TSHZ2: variants seen among roughly 807,000 people sequenced by gnomAD.
The protein encoded by TSHZ2 is teashirt zinc finger homeobox 2.
A neutral mutation model predicts 74.4 loss-of-function variants in TSHZ2; 21 were observed. The ratio of observed to expected loss-of-function variants is 0.28; its 90% confidence interval spans 0.20 to 0.41. TSHZ2 has a LOEUF of 0.41. Among genes scored for constraint, TSHZ2 ranks in the 10% least tolerant of loss-of-function variants. The pLI, the probability that TSHZ2 is intolerant of heterozygous loss-of-function variation, is 1.00. For synonymous variants in TSHZ2, 540 were observed against 515.3 expected (o/e 1.05, Z -0.65); for missense variants, 1,244 against 1,293.5 (o/e 0.96, Z 0.59).
rs191353942 is a variant in TSHZ2, at chr20:53,355,399, A to T, written c.*8+98828A>T. Among the ~76,000 whole-genome samples, 29 of 152,346 alleles carry T rather than the reference A, an allele frequency of 1.9e-4. No homozygotes were observed. In the East Asian group the frequency reaches 5.6e-3, roughly 29 times the overall value. ...TGAGTGGACAAATAAAATATGATGT[A>T]TTCATACCATGGAATGCTAAAGAGC... On this transcript the variant is annotated intron_variant, in intron 2 of 2. Coordinates refer to ENST00000371497, the MANE Select transcript of TSHZ2 (RefSeq NM_173485.6).
At chr20:53,403,151 G>A (rs1410573463) in intron 2 of TSHZ2, among the ~76,000 whole-genome samples, 1 of 152,152 alleles carries the variant, frequency 6.6e-6, no homozygotes, top group Non-Finnish European at 1.5e-5. Context: ...AGAACATGTA[G>A]GATTTGGTTT....
At chr20:53,264,610 C>A (rs1990671011) in intron 2 of TSHZ2, among the ~76,000 whole-genome samples, 1 of 152,224 alleles carries the variant, frequency 6.6e-6, no homozygotes, top group Admixed American at 6.5e-5. Context: ...GTTTTACCAA[C>A]TTTAGCCCAA....
At chr20:53,479,998 G>A in intron 2 of TSHZ2, among the ~76,000 whole-genome samples, 1 of 152,078 alleles carries the variant, frequency 6.6e-6, no homozygotes, top group Non-Finnish European at 1.5e-5. Flanking sequence ...AATACTTTGG[G>A]AGGACGAGGC....
intron 1 of TSHZ2, among the ~76,000 whole-genome samples, chr20:53,072,640 T>C (rs939746074): frequency 3.3e-5 from 5 of 152,204 alleles, no homozygotes; most frequent in African/African-American, 1.2e-4. Context: ...TGATTAAAAA[T>C]AACTGATTTG....
At chr20:53,093,699 C>T (rs1325360050) in intron 1 of TSHZ2, among the ~76,000 whole-genome samples, 1 of 152,172 alleles carries the variant, frequency 6.6e-6, no homozygotes, top group Non-Finnish European at 1.5e-5. Flanking sequence ...TCTCATAACT[C>T]TCAGCAAAAT....
At chr20:53,159,167 A>C (rs1987867128) in intron 1 of TSHZ2, among the ~76,000 whole-genome samples, 1 of 152,152 alleles carries the variant, frequency 6.6e-6, no homozygotes, top group Non-Finnish European at 1.5e-5. Flanking sequence ...TCCCAGAGAG[A>C]TCAATTGATG....
chr20:53,229,138 C>A (rs1041399372), intron 1 of TSHZ2, among the ~76,000 whole-genome samples: 2 of 152,162 alleles, frequency 1.3e-5, no homozygotes, highest in African/African-American at 4.8e-5. Context: ...TGACCCTGAG[C>A]TGGATGGCAT....
chr20:53,171,912 C>G (rs1988212886), intron 1 of TSHZ2, among the ~76,000 whole-genome samples: 1 of 151,940 alleles, frequency 6.6e-6, no homozygotes, highest in Non-Finnish European at 1.5e-5. Context: ...ATTGCAACCT[C>G]TAAAGAAGAA....
chr20:53,013,404 A>G (rs1474391933), intron 1 of TSHZ2, among the ~76,000 whole-genome samples: 1 of 152,156 alleles, frequency 6.6e-6, no homozygotes, highest in East Asian at 1.9e-4. Flanking sequence ...GAGGAAATAC[A>G]TAGAGACAAG....
At chr20:53,194,894 C>T (rs1188571958) in intron 1 of TSHZ2, among the ~76,000 whole-genome samples, 1 of 152,198 alleles carries the variant, frequency 6.6e-6, no homozygotes, top group Non-Finnish European at 1.5e-5. Flanking sequence ...TGATTGTGAC[C>T]TTGCAAAGAT....
intron 1 of TSHZ2, among the ~76,000 whole-genome samples, chr20:53,247,770 G>A (rs1490768789): frequency 6.6e-6 from 1 of 152,196 alleles, no homozygotes; most frequent in African/African-American, 2.4e-5. Flanking sequence ...CATCGGATAT[G>A]TTTTTAAATG....
chr20:53,168,618 G>A (rs1471692268), intron 1 of TSHZ2: 1 of 152,140 alleles, frequency 6.6e-6, no homozygotes, highest in Non-Finnish European at 1.5e-5. Flanking sequence ...AAGGCTAGCT[G>A]GTGAAACAAA....
chr20:53,092,702 G>T (rs1416464666), intron 1 of TSHZ2, among the ~76,000 whole-genome samples: 1 of 152,188 alleles, frequency 6.6e-6, no homozygotes, highest in African/African-American at 2.4e-5. Context: ...GAGTGGGAAA[G>T]GATCTAAGAA....
At chr20:53,173,535 G>C (rs569824231) in intron 1 of TSHZ2, among the ~76,000 whole-genome samples, 27 of 152,200 alleles carry the variant, frequency 1.8e-4, no homozygotes, top group Non-Finnish European at 1.8e-4. Context: ...TTGAGCCCGG[G>C]GGGCAGAGGT....
chr20:53,292,363 G>A (rs1229520242), intron 2 of TSHZ2, among the ~76,000 whole-genome samples: 3 of 152,008 alleles, frequency 2.0e-5, no homozygotes, highest in African/African-American at 7.2e-5. Context: ...AGCAATCCTA[G>A]TAGCCTCTCT....
intron 1 of TSHZ2, among the ~76,000 whole-genome samples, chr20:53,170,250 C>T (rs1988166206): frequency 6.6e-6 from 1 of 152,182 alleles, no homozygotes; most frequent in Admixed American, 6.5e-5. Context: ...TAAACAGAAT[C>T]GCTGTTCCTC....
chr20:53,486,816 T>C (rs1986300259), intron 2 of TSHZ2, among the ~76,000 whole-genome samples: 1 of 151,544 alleles, frequency 6.6e-6, no homozygotes, highest in East Asian at 1.9e-4. Flanking sequence ...TAGTACCTGA[T>C]AGGCAGTTTT....
rs776637670 is a variant in TSHZ2 at position 53,015,770 on chromosome 20, C to CG, written c.40+42439dup. Among the ~76,000 whole-genome samples the CG allele has an allele frequency of 5.9e-5, 9 of 152,148 alleles. No homozygotes were observed. The South Asian group carries it at 1.0e-3, about 18-fold the overall frequency. ...TAGTGAAATGATGCCGTTAACTCAC[C>CG]GGTGATCATGCTGCTGGGACAGGAT... On this transcript the variant is annotated intron_variant, in intron 1 of 2. Transcript: ENST00000371497.
chr20:53,138,256 C>T lies in TSHZ2; in HGVS notation c.41-115243C>T, dbSNP rs550481744. ...AAAATTAGCTGGGCGTGGTGGTGGGCGCCTGTAGTCCCAGCTACTTGGGAG... is the reference window on the plus strand; with the variant it reads ...AAAATTAGCTGGGCGTGGTGGTGGGTGCCTGTAGTCCCAGCTACTTGGGAG... On this transcript the variant is annotated intron_variant, in intron 1 of 2. Coordinates refer to ENST00000371497, the MANE Select transcript of TSHZ2 (RefSeq NM_173485.6). Among the ~76,000 whole-genome samples the T allele has an allele frequency of 9.4e-3, 1,425 of 152,032 alleles. 9 individuals are homozygous for T. Among genetic ancestry groups the T allele is most frequent in the Non-Finnish European group, 0.014 (948 of 67,972 alleles).
Sources: allele counts gnomAD v4.1 joint callset (sites outside exome capture counted in the v4.1 genomes callset), GRCh38; gene constraint gnomAD v4.1.1; transcripts MANE v1.5; gene names NCBI Gene and HGNC (gene_info 2026-07-23, HGNC 2026-07-21).